The following NUCKS1 variants were observed in gnomAD, a reference collection of about 807,000 sequenced individuals.
NUCKS1 encodes nuclear casein kinase and cyclin dependent kinase substrate 1.
In NUCKS1, 2 loss-of-function variants were observed where a neutral mutation model predicts 33.0. The ratio of observed to expected loss-of-function variants is 0.06; its 90% CI spans 0.02 to 0.19. The LOEUF (loss-of-function observed/expected upper bound fraction) is 0.19, where lower values mean the gene tolerates loss of function less well. Among genes scored for constraint, NUCKS1 ranks in the 10% least tolerant of loss-of-function variants. NUCKS1 has a pLI of 1.00. For synonymous variants in NUCKS1, 106 were observed against 102.8 expected (o/e 1.03, Z -0.19); for missense variants, 201 against 293.6 (o/e 0.68, Z 2.31).
intron 3 of NUCKS1, 50 bp from the exon 4 acceptor site, chr1:205,724,031 C>T (rs1671963915): frequency 7.7e-7 from 1 of 1,297,596 alleles, no homozygotes; most frequent in Non-Finnish European, 1.1e-6. Flanking sequence ...AGCTCAAAAT[C>T]TAAGTGAACA....
At chr1:205,749,187 A>C (rs1354204787) in intron 1 of NUCKS1, among the ~76,000 whole-genome samples, 1 of 152,248 alleles carries the variant, frequency 6.6e-6, no homozygotes, top group African/African-American at 2.4e-5. Context: ...CACCTCCCTG[A>C]GTACGGACAT....
chr1:205,744,558 T>C (rs570079033), intron 1 of NUCKS1, among the ~76,000 whole-genome samples: 4 of 150,614 alleles, frequency 2.7e-5, no homozygotes, highest in African/African-American at 9.8e-5. Flanking sequence ...ATAACTTACA[T>C]GGTGGCAAAA....
At chr1:205,726,944 A>G (rs954736630) in intron 3 of NUCKS1, among the ~76,000 whole-genome samples, 4 of 152,022 alleles carry the variant, frequency 2.6e-5, no homozygotes, top group African/African-American at 9.7e-5. Context: ...ACAAGGCAGA[A>G]ATTACAATAT....
chr1:205,745,876 C>T (rs1041929162), intron 1 of NUCKS1, among the ~76,000 whole-genome samples: 1 of 152,188 alleles, frequency 6.6e-6, no homozygotes, highest in Non-Finnish European at 1.5e-5. Flanking sequence ...TTCCTGACTG[C>T]ATTTTTTCTC....
intron 1 of NUCKS1, among the ~76,000 whole-genome samples, chr1:205,746,557 G>A (rs960291719): frequency 1.3e-5 from 2 of 151,300 alleles, no homozygotes; most frequent in African/African-American, 2.4e-5. Flanking sequence ...GTGCACATTT[G>A]GTAACACATT....
chr1:205,741,178 T>G (rs1232976614), intron 1 of NUCKS1, among the ~76,000 whole-genome samples: 1 of 142,222 alleles, frequency 7.0e-6, no homozygotes. Flanking sequence ...CGGGCGCCTG[T>G]AGTCCCAGCT....
At chr1:205,744,630 G>GTTTTTTTTTTTTTTTTTTTTT (rs10672842) in intron 1 of NUCKS1, among the ~76,000 whole-genome samples, 1 of 87,786 alleles carries the variant, frequency 1.1e-5, no homozygotes, top group East Asian at 4.1e-4. Flanking sequence ...GTTCACTAGA[G>GTTTTTTTTTTTTTTTTTTTTT]TTTTTTTTTT....
intron 2 of NUCKS1, 102 bp from the exon 3 acceptor site, chr1:205,727,907 G>A (rs1241054294): frequency 4.3e-5 from 34 of 787,826 alleles, no homozygotes; most frequent in Non-Finnish European, 6.7e-5. Context: ...TAAATGGTGA[G>A]AGGAGCAGGA....
At chr1:205,730,968 TAAAC>T (rs1653896869) in intron 1 of NUCKS1, among the ~76,000 whole-genome samples, 2 of 152,214 alleles carry the variant, frequency 1.3e-5, no homozygotes, top group African/African-American at 2.4e-5. Flanking sequence ...GTATACTTGA[TAAAC>T]AAGGTTATTA....
chr1:205,742,057 T>A lies in NUCKS1; in HGVS notation c.17+7900A>T, dbSNP rs1180829825. Among the ~76,000 whole-genome samples the A allele has an allele frequency of 2.6e-5, 4 of 152,336 alleles. No individual in the cohort carries two copies. The East Asian group carries it at 7.7e-4, about 29-fold the overall frequency. On this transcript the variant is annotated intron_variant, in intron 1 of 6. Coordinates refer to ENST00000367142, the MANE Select transcript of NUCKS1 (RefSeq NM_022731.5). Reference sequence around the variant, plus strand: ...TAAGAATCTCTAGAGCTGCAGCAAGTCCTTGGAAGACAAGCAGCTGTATGT... The same window carrying A: ...TAAGAATCTCTAGAGCTGCAGCAAGACCTTGGAAGACAAGCAGCTGTATGT...
rs930366697 is a variant in NUCKS1 at position 205,735,634 on chromosome 1, C to T, written c.18-6013G>A. Among the ~76,000 whole-genome samples, 5 of 152,322 alleles carry T rather than the reference C, an allele frequency of 3.3e-5. No individual in the cohort carries two copies. In the East Asian group the frequency reaches 7.7e-4, roughly 24 times the overall value. ...AAGCAAGTTACTTCCCCTGACTGAA[C>T]TTCAGTCTCATCATCTGTAAAACAG... is the stretch of plus-strand genomic sequence containing the variant. On this transcript the variant is annotated intron_variant, in intron 1 of 6. Transcript: ENST00000367142.
At position 205,744,630 on chromosome 1, in the gene NUCKS1, GTTTTTTT is replaced by G. The variant is rs10672842; in HGVS notation, c.17+5320_17+5326del. 1.3e-3 allele frequency among the ~76,000 whole-genome samples: 114 copies of G among 87,766 alleles called. 2 individuals carry two copies. Among genetic ancestry groups the G allele is most frequent in the African/African-American group, 4.8e-3 (106 of 22,150 alleles). 57.6% of individuals were successfully genotyped at this position (87,766 alleles called of 152,430 possible). A position where few individuals can be genotyped will look rare whatever the true frequency, so the allele number is the denominator to read the frequency against. On this transcript the variant is annotated intron_variant, in intron 1 of 6. Transcript: ENST00000367142. Reference sequence around the variant, plus strand: ...TGTGAAAATTCCTAAGTTCACTAGAGTTTTTTTTTTTTTTTTTTTGAGACGGAGTTTC... The same window carrying G: ...TGTGAAAATTCCTAAGTTCACTAGAGTTTTTTTTTTTTGAGACGGAGTTTC...
At chr1:205,744,069 T>C (rs1194013968) in intron 1 of NUCKS1, among the ~76,000 whole-genome samples, 1 of 152,184 alleles carries the variant, frequency 6.6e-6, no homozygotes, top group Non-Finnish European at 1.5e-5. Flanking sequence ...GTATCTCCCC[T>C]TAATCTCTTC....
At chr1:205,726,276 G>A (rs193288399) in intron 3 of NUCKS1, among the ~76,000 whole-genome samples, 1 of 152,304 alleles carries the variant, frequency 6.6e-6, no homozygotes, top group East Asian at 1.9e-4. Flanking sequence ...TGCACTTTGG[G>A]ACGCTGAGAT....
chr1:205,744,823 G>A (rs1654276069), intron 1 of NUCKS1, among the ~76,000 whole-genome samples: 1 of 151,794 alleles, frequency 6.6e-6, no homozygotes, highest in Admixed American at 6.6e-5. Flanking sequence ...GTAGAGACGG[G>A]GTTTCTCCAT....
At chr1:205,746,249 T>G (rs1474058594) in intron 1 of NUCKS1, among the ~76,000 whole-genome samples, 1 of 152,044 alleles carries the variant, frequency 6.6e-6, no homozygotes, top group African/African-American at 2.4e-5. Context: ...GAGCCGAGAT[T>G]GCACCATTGC....
In NUCKS1 at chr1:205,720,444, G is replaced by C. The variant is rs1008755020; in HGVS notation, c.382+57C>G. On this transcript the variant is annotated intron_variant, in intron 5 of 6. Coordinates refer to ENST00000367142, the MANE Select transcript of NUCKS1 (RefSeq NM_022731.5). ...TCCTAGAAAATGCCAAAGTAACCAAGGTCACAAACTACAATTATGACCAAA... is the reference window on the plus strand; with the variant it reads ...TCCTAGAAAATGCCAAAGTAACCAACGTCACAAACTACAATTATGACCAAA... The C allele has an allele frequency of 8.3e-6, 13 of 1,563,418 alleles. No individual in the cohort carries two copies. In the African/African-American group the frequency reaches 1.8e-4, roughly 21 times the overall value.
chr1:205,735,688 AAG>A (rs1654016542), intron 1 of NUCKS1, among the ~76,000 whole-genome samples: 1 of 152,234 alleles, frequency 6.6e-6, no homozygotes, highest in Non-Finnish European at 1.5e-5. Flanking sequence ...CAGGAATAAC[AAG>A]AGTGTTGAGA....
intron 1 of NUCKS1, among the ~76,000 whole-genome samples, chr1:205,739,529 A>G (rs1239835533): frequency 2.0e-5 from 3 of 151,868 alleles, no homozygotes; most frequent in African/African-American, 7.3e-5. Context: ...CTGGAGTGCC[A>G]TGGCACAATG....
Sources: allele counts gnomAD v4.1 joint callset (sites outside exome capture counted in the v4.1 genomes callset), GRCh38; gene constraint gnomAD v4.1.1; transcripts MANE v1.5; gene names NCBI Gene and HGNC (gene_info 2026-07-23, HGNC 2026-07-21).